Variants in DCAF8L2 observed in about 807,000 individuals in gnomAD.
DCAF8L2 encodes the protein DDB1- and CUL4-associated factor 8-like protein 2.
For missense variants in DCAF8L2, 430 were observed against 490.7 expected (o/e 0.88, Z 1.17); for synonymous variants, 200 against 190.9 (o/e 1.05, Z -0.39).
At chrX:27,692,027 A>G (rs1258605084) in intron 3 of DCAF8L2, among the ~76,000 whole-genome samples, 1 of 111,883 alleles carries the variant, frequency 8.9e-6, no homozygotes, top group African/African-American at 3.2e-5. Context: ...GATGTGGTTG[A>G]ATATATTTTT....
intron 2 of DCAF8L2, among the ~76,000 whole-genome samples, chrX:27,645,883 G>A (rs944365242): frequency 1.8e-5 from 2 of 111,085 alleles, no homozygotes; most frequent in African/African-American, 6.6e-5. Flanking sequence ...TCTTCAAGGC[G>A]AACTACAAAC....
intron 1 of DCAF8L2, among the ~76,000 whole-genome samples, chrX:27,610,613 T>C (rs1049060420): frequency 3.6e-5 from 4 of 111,234 alleles, no homozygotes; most frequent in Non-Finnish European, 7.5e-5. Flanking sequence ...GCTATCAGAG[T>C]AAGGAAAACC....
chrX:27,615,378 CAAT>C (rs1268116164), intron 1 of DCAF8L2, among the ~76,000 whole-genome samples: 8 of 111,100 alleles, frequency 7.2e-5, no homozygotes, highest in Non-Finnish European at 1.5e-4. Flanking sequence ...TAATTATAAT[CAAT>C]AAATTTTAAA....
At chrX:27,536,623 T>C in the DCAF8L2 span, among the ~76,000 whole-genome samples, 3,145 of 101,623 alleles carry the variant, frequency 0.031, 54 homozygotes, top group African/African-American at 0.066. Context: ...AGAACAGAAT[T>C]GACTGGGCAA....
intron 1 of DCAF8L2, among the ~76,000 whole-genome samples, chrX:27,613,664 G>A (rs1031161075): frequency 9.0e-6 from 1 of 111,485 alleles, no homozygotes; most frequent in African/African-American, 3.3e-5. Context: ...AGCATGAAGG[G>A]CTGTTGAATT....
At chrX:27,627,919 T>C (rs1466154293) in intron 1 of DCAF8L2, among the ~76,000 whole-genome samples, 2 of 65,211 alleles carry the variant, frequency 3.1e-5, no homozygotes, top group Non-Finnish European at 5.2e-5. Context: ...AGAGCAAGAC[T>C]CCATCTAAAA....
intron 1 of DCAF8L2, among the ~76,000 whole-genome samples, chrX:27,610,604 C>G (rs550907207): frequency 9.0e-6 from 1 of 111,444 alleles, no homozygotes; most frequent in African/African-American, 3.3e-5. Context: ...GAGGAAAGTG[C>G]TATCAGAGTA....
chrX:27,587,985 A>AAAAAAAAAAAAAAATAT, upstream of DCAF8L2, among the ~76,000 whole-genome samples: 3 of 22,371 alleles, frequency 1.3e-4, no homozygotes, highest in African/African-American at 3.0e-4. Flanking sequence ...TAAAAAAAAA[A>AAAAAAAAAAAAAAATAT]ATATATATAT....
At chrX:27,650,310 A>G (rs759840450) in intron 2 of DCAF8L2, among the ~76,000 whole-genome samples, 1 of 111,978 alleles carries the variant, frequency 8.9e-6, no homozygotes, top group African/African-American at 3.2e-5. Context: ...ATTTTAGAAT[A>G]GTTTTTATTC....
chrX:27,505,482 A>G, the DCAF8L2 span, among the ~76,000 whole-genome samples: 1 of 111,903 alleles, frequency 8.9e-6, no homozygotes, highest in African/African-American at 3.2e-5. Flanking sequence ...ATGAAAAGCT[A>G]TTTCTTATTA....
rs73532459 is a variant in DCAF8L2 at position 27,682,556 on chromosome X, C to T, written c.-143+4644C>T. Among the ~76,000 whole-genome samples, 850 of 110,695 alleles carry T rather than the reference C, an allele frequency of 7.7e-3. 4 individuals carry two copies. Among genetic ancestry groups the T allele is most frequent in the African/African-American group, 0.026 (803 of 30,501 alleles). On this transcript the variant is annotated intron_variant, in intron 3 of 4. Transcript: ENST00000451261. ...AACTCTTCTATTTAATGAGTAAACA[C>T]CTTACATTTGTCAATAAAATTCATT...
At chrX:27,490,039 G>A in the DCAF8L2 span, among the ~76,000 whole-genome samples, 4 of 111,069 alleles carry the variant, frequency 3.6e-5, no homozygotes, top group Non-Finnish European at 5.7e-5. Context: ...ACCACACCCA[G>A]CTAATTTTCA....
chrX:27,595,859 A>G (rs949270951), intron 1 of DCAF8L2, among the ~76,000 whole-genome samples: 1 of 110,793 alleles, frequency 9.0e-6, no homozygotes, highest in East Asian at 2.9e-4. Flanking sequence ...ACAAACAAAC[A>G]AACAAACAAA....
chrX:27,519,105 G>C, the DCAF8L2 span: 4 of 1,075,823 alleles, frequency 3.7e-6, no homozygotes, highest in African/African-American at 5.5e-5. Context: ...ATCAGAAGCA[G>C]TTGGAAAGGG....
At chrX:27,586,156 C>G (rs1180454827), upstream of DCAF8L2, among the ~76,000 whole-genome samples, 1 of 110,601 alleles carries the variant, frequency 9.0e-6, no homozygotes, top group Non-Finnish European at 1.9e-5. Context: ...CTCCTTTTAT[C>G]TTATTTCACC....
chrX:27,707,936 C>T (rs1931395636), intron 3 of DCAF8L2, among the ~76,000 whole-genome samples: 1 of 111,464 alleles, frequency 9.0e-6, no homozygotes, highest in African/African-American at 3.3e-5. Flanking sequence ...CTTTCCTATC[C>T]ACCAATTTCA....
intron 2 of DCAF8L2, among the ~76,000 whole-genome samples, chrX:27,657,155 G>T (rs1184226493): frequency 1.8e-5 from 2 of 111,196 alleles, no homozygotes; most frequent in African/African-American, 6.5e-5. Context: ...ATATGATCAT[G>T]TGAGTTAATA....
the DCAF8L2 span, among the ~76,000 whole-genome samples, chrX:27,531,498 A>G: frequency 8.9e-6 from 1 of 112,036 alleles, no homozygotes; most frequent in Non-Finnish European, 1.9e-5. Flanking sequence ...ATGGCCATAT[A>G]GAAAATGTTC....
At chrX:27,535,813 T>A in the DCAF8L2 span, among the ~76,000 whole-genome samples, 1 of 112,016 alleles carries the variant, frequency 8.9e-6, no homozygotes, top group Non-Finnish European at 1.9e-5. Flanking sequence ...TCTTTAAGTT[T>A]CCAATATTTA....
Sources: gnomAD v4.1 joint callset for allele counts (sites outside exome capture counted in the v4.1 genomes callset) on GRCh38, gnomAD v4.1.1 for gene constraint, MANE v1.5 for transcripts, NCBI Gene and HGNC (gene_info 2026-07-23, HGNC 2026-07-21) for gene names.